The following DGKG variants were observed in gnomAD, a reference collection of about 807,000 sequenced individuals.
DGKG encodes DAG kinase gamma.
In DGKG, 78 loss-of-function variants were observed where a neutral mutation model predicts 105.3. The observed-to-expected ratio is 0.74, with a 90% CI of 0.62 to 0.89. The LOEUF is 0.89. Ranked by LOEUF, DGKG falls within the 40% of genes least tolerant of loss-of-function variation. DGKG has a pLI of 0.00. For missense variants in DGKG, 958 were observed against 1,020.1 expected, an observed-to-expected ratio of 0.94 and a Z score of 0.83; for synonymous variants, 346 against 367.1, an observed-to-expected ratio of 0.94 and a Z score of 0.66.
chr3:186,287,310 A>G (rs1723116379), intron 6 of DGKG, among the ~76,000 whole-genome samples: 1 of 152,212 alleles, frequency 6.6e-6, no homozygotes, highest in Admixed American at 6.5e-5. Flanking sequence ...TTAGAGGTAC[A>G]TACTGAAATA....
chr3:186,181,641 G>A (rs964112339), intron 22 of DGKG, among the ~76,000 whole-genome samples: 1 of 152,330 alleles, frequency 6.6e-6, no homozygotes, highest in Non-Finnish European at 1.5e-5. Flanking sequence ...GCTGAGGCAG[G>A]AGAATCACTT....
At position 186,264,802 on chromosome 3, in the gene DGKG, A is replaced by G. The variant is rs181964130; in HGVS notation, c.1269+445T>C. 1.4e-3 allele frequency among the ~76,000 whole-genome samples: 215 copies of G among 152,160 alleles called. 1 individual carries two copies. Among genetic ancestry groups the G allele is most frequent in the Non-Finnish European group, 1.6e-4 (11 of 68,004 alleles). ...AGACACAAAAAATGTTCATTGCTGAACCCAAGTAAAAAAAATGAGTTCTTA... is the reference window on the plus strand; with the variant it reads ...AGACACAAAAAATGTTCATTGCTGAGCCCAAGTAAAAAAAATGAGTTCTTA... On this transcript the variant is annotated intron_variant, in intron 14 of 24. Coordinates refer to ENST00000265022, the MANE Select transcript of DGKG (RefSeq NM_001346.3).
At chr3:186,283,850 T>C (rs1280411139) in intron 7 of DGKG, among the ~76,000 whole-genome samples, 1 of 152,174 alleles carries the variant, frequency 6.6e-6, no homozygotes, top group Non-Finnish European at 1.5e-5. Context: ...ATTGGGATGA[T>C]TCAGTTTGTC....
rs1332787669 is a variant in DGKG at position 186,147,911 on chromosome 3, T to C, written c.*2179A>G. 1.0e-6 allele frequency: 1 copy of C among 985,316 alleles called. No individual in the cohort carries two copies. The highest frequency in any genetic ancestry group is 1.1e-4 in the East Asian group (1 of 8,834). 61.0% of individuals were successfully genotyped at this position (985,316 alleles called of 1,614,324 possible). On this transcript the variant is annotated 3_prime_UTR_variant, in exon 25 of 25. Coordinates refer to ENST00000265022, the MANE Select transcript of DGKG (RefSeq NM_001346.3). ...AAGAATACCATCATTAAAGATATTC[T>C]TCAGGTGGCCTGGTTTTCCCCTTAC...
rs140220875 is a variant in DGKG at position 186,238,349 on chromosome 3, A to G, written c.1826+4155T>C. ...ACATCCCCCAAAAAGAAAACAATCCATTTGCAAATGATGTTTGGGATATGA... is the reference window on the plus strand; with the variant it reads ...ACATCCCCCAAAAAGAAAACAATCCGTTTGCAAATGATGTTTGGGATATGA... On this transcript the variant is annotated intron_variant, in intron 20 of 24. Transcript: ENST00000265022. Among the ~76,000 whole-genome samples the G allele has an allele frequency of 1.1e-3, 170 of 151,358 alleles. 3 individuals carry two copies. Among genetic ancestry groups the G allele is most frequent in the African/African-American group, 4.0e-3 (166 of 41,280 alleles).
chr3:186,163,358 G>C (rs1560076662), intron 23 of DGKG, among the ~76,000 whole-genome samples: 1 of 152,152 alleles, frequency 6.6e-6, no homozygotes, highest in Non-Finnish European at 1.5e-5. Context: ...CTGCAGAAGA[G>C]TTATGAATTC....
intron 20 of DGKG, among the ~76,000 whole-genome samples, chr3:186,237,474 G>A (rs1483493059): frequency 6.6e-6 from 1 of 152,136 alleles, no homozygotes; most frequent in Non-Finnish European, 1.5e-5. Flanking sequence ...TGGTGTACCT[G>A]TTCTCCTCCC....
At chr3:186,322,572 CT>C (rs1242632029) in intron 1 of DGKG, among the ~76,000 whole-genome samples, 2 of 152,080 alleles carry the variant, frequency 1.3e-5, no homozygotes, top group Non-Finnish European at 2.9e-5. Context: ...ACCCTTGAAC[CT>C]AAAATAAAAG....
Position 186,284,542 on chromosome 3 carries a change from C to A in DGKG, c.594+118G>T. The A allele has an allele frequency of 1.1e-6, 1 of 883,110 alleles. No homozygotes were observed. Among genetic ancestry groups the A allele is most frequent in the Non-Finnish European group, 1.9e-6 (1 of 532,842 alleles). The allele number at this position is 883,110 out of a possible 1,614,324, so 54.7% of individuals were successfully genotyped here. A position where few individuals can be genotyped will look rare whatever the true frequency, so the allele number is the denominator to read the frequency against. On this transcript the variant is annotated intron_variant, in intron 7 of 24. Coordinates refer to ENST00000265022, the MANE Select transcript of DGKG (RefSeq NM_001346.3). The surrounding 1 kb of genome is among the most constrained non-coding windows in gnomAD (Gnocchi z 4.0). ...CTAGTCGGATTTCCTCAGCCTGCAT[C>A]GAGACATTGCTATTACTACAAAGAC... is the stretch of plus-strand genomic sequence containing the variant.
chr3:186,248,052 A>G (rs745719277), intron 19 of DGKG, among the ~76,000 whole-genome samples: 1 of 151,874 alleles, frequency 6.6e-6, no homozygotes, highest in South Asian at 2.1e-4. Context: ...TTGCTAGAAT[A>G]AATTAAAACT....
intron 13 of DGKG, 112 bp from the exon 14 acceptor site, chr3:186,265,418 T>C: frequency 1.0e-6 from 1 of 965,614 alleles, no homozygotes. Flanking sequence ...AGAAAGCTAG[T>C]GTAGTATGGA....
chr3:186,291,636 C>G (rs1178192233), intron 5 of DGKG, among the ~76,000 whole-genome samples: 1 of 151,378 alleles, frequency 6.6e-6, no homozygotes, highest in Non-Finnish European at 1.5e-5. Flanking sequence ...AAAGGCAGAC[C>G]CAAAAGAGTA....
At chr3:186,288,109 A>G (rs1341822008) in intron 6 of DGKG, among the ~76,000 whole-genome samples, 4 of 152,172 alleles carry the variant, frequency 2.6e-5, no homozygotes, top group African/African-American at 4.8e-5. Flanking sequence ...TCCTGAAGAC[A>G]TGTTTTTAAA....
chr3:186,183,026 C>T (rs940126656), intron 22 of DGKG, among the ~76,000 whole-genome samples: 1 of 152,194 alleles, frequency 6.6e-6, no homozygotes, highest in East Asian at 1.9e-4. Flanking sequence ...ACAGGCTGGG[C>T]TCGCTTCCAG....
chr3:186,352,722 C>T (rs1726692983), intron 1 of DGKG, among the ~76,000 whole-genome samples: 1 of 152,172 alleles, frequency 6.6e-6, no homozygotes, highest in Non-Finnish European at 1.5e-5. Context: ...CTGTCCCTGA[C>T]TCCACCTGTA....
intron 24 of DGKG, among the ~76,000 whole-genome samples, chr3:186,152,393 A>G (rs1715803880): frequency 6.6e-6 from 1 of 151,782 alleles, no homozygotes; most frequent in Non-Finnish European, 1.5e-5. Context: ...GTGGCATGCA[A>G]TGTAGCATTC....
At chr3:186,341,516 T>C (rs1035830739) in intron 1 of DGKG, among the ~76,000 whole-genome samples, 1 of 152,190 alleles carries the variant, frequency 6.6e-6, no homozygotes, top group African/African-American at 2.4e-5. Context: ...GTTGGGATGA[T>C]ACCATGATAC....
At chr3:186,351,207 G>A (rs915450622) in intron 1 of DGKG, among the ~76,000 whole-genome samples, 3 of 152,108 alleles carry the variant, frequency 2.0e-5, no homozygotes, top group East Asian at 3.9e-4. Context: ...TTTTCAGAAC[G>A]TCTGACATGT....
chr3:186,356,647 C>G (rs1341951591), intron 1 of DGKG, among the ~76,000 whole-genome samples: 2 of 151,982 alleles, frequency 1.3e-5, no homozygotes, highest in Admixed American at 1.3e-4. Context: ...GCACTTTATT[C>G]TTTAAGAATA....
Sources: gnomAD v4.1 joint callset for allele counts (sites outside exome capture counted in the v4.1 genomes callset) on GRCh38, gnomAD v4.1.1 for gene constraint, Gnocchi (gnomAD v3.1) non-coding constraint, MANE v1.5 for transcripts, NCBI Gene and HGNC (gene_info 2026-07-23, HGNC 2026-07-21) for gene names.